MTERF1: variants seen among roughly 807,000 people sequenced by gnomAD.
The protein encoded by MTERF1 is transcription termination factor 1, mitochondrial.
MTERF1 carries 29 observed loss-of-function variants against 31.6 expected under a neutral mutation model. That is an observed-to-expected ratio of 0.92 (90% confidence interval 0.68 to 1.25). MTERF1 has a LOEUF of 1.25. Among genes scored for constraint, MTERF1 ranks in the 50% most tolerant of loss-of-function variants. The pLI is 0.00. For synonymous variants in MTERF1, 152 were observed against 164.1 expected, an observed-to-expected ratio of 0.93 and a Z score of 0.57; for missense variants, 500 against 469.1, an observed-to-expected ratio of 1.07 and a Z score of -0.61.
chr7:91,873,852 G>A lies in MTERF1; in HGVS notation c.942C>T (p.Val314=), dbSNP rs762359462. ...AGAAGATCACATCTGGATAGCTTAA[G>A]ACAAACTTCTGTACCTCTTCTTCAG... The part of the protein sequence containing the change: ...GCTEEEVQKF[V]LSYPDVIFLA... Residue 314 remains valine (V), a synonymous_variant, in exon 3 of 3, where the codon GTC becomes GTT. Coordinates refer to ENST00000351870, the MANE Select transcript of MTERF1 (RefSeq NM_006980.5). 1 of 1,614,010 alleles carries A rather than the reference G, an allele frequency of 6.2e-7. No homozygotes were observed. The highest frequency in any genetic ancestry group is 1.1e-5 in the South Asian group (1 of 91,068).
At position 91,871,387 on chromosome 7, in the gene MTERF1, G is replaced by A. The variant is rs192954643; in HGVS notation, c.*2207C>T. Reference sequence around the variant, plus strand: ...CCCACCTCCTTCAAGTCCCTTATGAGCTTGTTAGATTCCAAAACAATACCT... The same window carrying A: ...CCCACCTCCTTCAAGTCCCTTATGAACTTGTTAGATTCCAAAACAATACCT... On this transcript the variant is annotated 3_prime_UTR_variant, in exon 3 of 3. Coordinates refer to ENST00000351870, the MANE Select transcript of MTERF1 (RefSeq NM_006980.5). The A allele has an allele frequency of 6.6e-6, 1 of 152,122 alleles. No homozygotes were observed. Among genetic ancestry groups the A allele is most frequent in the South Asian group, 2.1e-4 (1 of 4,824 alleles). The allele number at this position is 152,122 out of a possible 1,614,324, so 9.4% of individuals were successfully genotyped here.
chr7:91,879,212 C>T (rs1455550429), intron 2 of MTERF1, among the ~76,000 whole-genome samples: 1 of 152,084 alleles, frequency 6.6e-6, no homozygotes, highest in East Asian at 1.9e-4. Flanking sequence ...TTTGCTATAA[C>T]AAAGAAGAAG....
At chr7:91,875,940 C>G (rs1473630429) in intron 2 of MTERF1, among the ~76,000 whole-genome samples, 1 of 152,186 alleles carries the variant, frequency 6.6e-6, no homozygotes, top group Non-Finnish European at 1.5e-5. Context: ...CATGGCCCGC[C>G]ACATGTGAAA....
rs1789280925 is a variant in MTERF1, at chr7:91,874,315, A to C, written c.479T>G (p.Leu160Trp). 6.2e-7 allele frequency: 1 copy of C among 1,614,166 alleles called. No individual in the cohort carries two copies. The stretch of plus-strand genomic sequence containing the variant: ...AAAAAAGGATTCAGGAGAACGTTCC[A>C]AAATATTTACAATTTCAAGGTCTGA... ...VTSDLEIVNI[L>W]ERSPESFFRS... The change falls in exon 3 of 3, where the codon TTG becomes TGG. Residue 160 changes from leucine (L) to tryptophan (W), a missense_variant. Leu to Trp is a moderately conservative substitution (Grantham distance 61). Coordinates refer to ENST00000351870, the MANE Select transcript of MTERF1 (RefSeq NM_006980.5).
Position 91,874,486 on chromosome 7 carries a change from T to C in MTERF1, c.308A>G (p.Asn103Ser), listed in dbSNP as rs1789289068. Residue 103 changes from asparagine to serine, a missense_variant, in exon 3 of 3, where the codon AAT (asparagine) becomes AGT (serine). By Grantham distance (46) the Asn-to-Ser change is conservative (BLOSUM62 1). Coordinates refer to ENST00000351870, the MANE Select transcript of MTERF1 (RefSeq NM_006980.5). Reference sequence around the variant, plus strand: ...AAGGAACATCTTCAGGTCCTGCTCATTGGTAATCATCCTATGAAAAACTCC... The same window carrying C: ...AAGGAACATCTTCAGGTCCTGCTCACTGGTAATCATCCTATGAAAAACTCC... ...QPGVFHRMIT[N>S]EQDLKMFLLS... The C allele has an allele frequency of 3.7e-6, 6 of 1,614,158 alleles. No homozygotes were observed. Among genetic ancestry groups the C allele is most frequent in the Middle Eastern group, 1.6e-4 (1 of 6,062 alleles).
intron 2 of MTERF1, among the ~76,000 whole-genome samples, chr7:91,879,046 G>A (rs892172798): frequency 6.6e-6 from 1 of 152,078 alleles, no homozygotes; most frequent in Non-Finnish European, 1.5e-5. Context: ...AGGTGGCTAA[G>A]GCACAATAAC....
chr7:91,878,272 TA>T (rs905891515), intron 2 of MTERF1, among the ~76,000 whole-genome samples: 15 of 152,348 alleles, frequency 9.8e-5, no homozygotes, highest in Non-Finnish European at 4.4e-5. Context: ...AAATGACATC[TA>T]AAAATGACAT....
In MTERF1 at chr7:91,880,074, G is replaced by A. The variant is rs1789465441; in HGVS notation, c.10C>T (p.Leu4Phe). 1 of 1,614,024 alleles carries A rather than the reference G, an allele frequency of 6.2e-7. No individual in the cohort carries two copies. The highest frequency in any genetic ancestry group is 1.1e-5 in the South Asian group (1 of 91,072). The change falls in exon 2 of 3, where the codon CTT becomes TTT. Residue 4 changes from leucine (L) to phenylalanine (F), a missense_variant. Leu to Phe is a conservative substitution (Grantham distance 22, BLOSUM62 0). Coordinates refer to ENST00000351870, the MANE Select transcript of MTERF1 (RefSeq NM_006980.5). MQS[L>F]SLGQTSISKG... ...TCTCACCTTGTTTGTCCTAAGGAAA[G>A]GCTCTGCATCCCTCCAGAAAGGCTG...
Position 91,873,726 on chromosome 7 carries a change from T to C in MTERF1, c.1068A>G (p.Ile356Met). ...IENPRVLDSS[I>M]STLKSRIKEL... Reference sequence around the variant, plus strand: ...CTTTGATTCGACTTTTTAAAGTACTTATGCTTGAATCCAGAACCCGAGGAT... The same window carrying C: ...CTTTGATTCGACTTTTTAAAGTACTCATGCTTGAATCCAGAACCCGAGGAT... The change falls in exon 3 of 3, where the codon ATA becomes ATG. Residue 356 changes from isoleucine (I) to methionine (M), a missense_variant. By Grantham distance (10) the Ile-to-Met change is conservative. Coordinates refer to ENST00000351870, the MANE Select transcript of MTERF1 (RefSeq NM_006980.5). The C allele has an allele frequency of 6.2e-7, 1 of 1,614,154 alleles. No homozygotes were observed. Among genetic ancestry groups the C allele is most frequent in the Non-Finnish European group, 8.5e-7 (1 of 1,180,010 alleles).
intron 2 of MTERF1, 41 bp from the exon 3 acceptor site, chr7:91,874,805 G>C (rs1789302894): frequency 1.4e-6 from 2 of 1,392,974 alleles, no homozygotes; most frequent in East Asian, 4.6e-5. Context: ...AAATGCATGT[G>C]TTAAACAACT....
rs1789484722 is a variant in MTERF1, at chr7:91,880,682, T to C, written c.-56A>G. On this transcript the variant is annotated 5_prime_UTR_variant, in exon 1 of 3. Coordinates refer to ENST00000351870, the MANE Select transcript of MTERF1 (RefSeq NM_006980.5). Reference sequence around the variant, plus strand: ...CCTGAACTGCACCCATCCACTGTAGTTCGCTTTTACTTCCGCCTCTGGGGT... The same window carrying C: ...CCTGAACTGCACCCATCCACTGTAGCTCGCTTTTACTTCCGCCTCTGGGGT... 6.6e-6 allele frequency: 1 copy of C among 152,352 alleles called. No homozygotes were observed. The highest frequency in any genetic ancestry group is 6.5e-5 in the Admixed American group (1 of 15,282). 9.4% of individuals were successfully genotyped at this position (152,352 alleles called of 1,614,324 possible). A position where few individuals can be genotyped will look rare whatever the true frequency, so the allele number is the denominator to read the frequency against.
intron 2 of MTERF1, among the ~76,000 whole-genome samples, chr7:91,876,498 A>G (rs1451226485): frequency 6.6e-6 from 1 of 152,226 alleles, no homozygotes; most frequent in Non-Finnish European, 1.5e-5. Context: ...TTTGGGCTAA[A>G]GATACTGCTT....
intron 2 of MTERF1, among the ~76,000 whole-genome samples, chr7:91,879,600 C>T (rs528947966): frequency 1.8e-4 from 27 of 152,084 alleles, no homozygotes; most frequent in Admixed American, 4.6e-4. Context: ...ATCTATTTTT[C>T]GGTTTCTAGT....
chr7:91,879,904 A>G, intron 2 of MTERF1, 151 bp downstream of exon 2: 1 of 798,566 alleles, frequency 1.3e-6, no homozygotes, highest in East Asian at 2.6e-5. Flanking sequence ...GGGTCTAAAA[A>G]AAGATTTACG....
At chr7:91,879,282 T>C (rs1344338274) in intron 2 of MTERF1, among the ~76,000 whole-genome samples, 2 of 152,142 alleles carry the variant, frequency 1.3e-5, no homozygotes, top group South Asian at 2.1e-4. Context: ...TGCAATATAC[T>C]ATAAAGGTGC....
intron 2 of MTERF1, chr7:91,876,884 T>C: frequency 1.0e-6 from 1 of 983,528 alleles, no homozygotes; most frequent in East Asian, 1.1e-4. Context: ...CTACCTTGCA[T>C]AGTTCAACAG....
chr7:91,880,105 C>CAGCT lies in MTERF1; in HGVS notation c.-26_-23dup. On this transcript the variant is annotated 5_prime_UTR_variant, in exon 2 of 3. Transcript: ENST00000351870. ...GCATCCCTCCAGAAAGGCTGGAGAACAGCTATCTCTGGAAATGACACACAC... is the reference window on the plus strand; with the variant it reads ...GCATCCCTCCAGAAAGGCTGGAGAACAGCTAGCTATCTCTGGAAATGACACACAC... 1 of 1,613,432 alleles carries CAGCT rather than the reference C, an allele frequency of 6.2e-7. No individual in the cohort carries two copies. Among genetic ancestry groups the CAGCT allele is most frequent in the Non-Finnish European group, 8.5e-7 (1 of 1,179,842 alleles).
In MTERF1 at chr7:91,874,379, G is replaced by T; in HGVS notation, c.415C>A (p.Leu139Ile). The T allele has an allele frequency of 1.9e-6, 3 of 1,614,162 alleles. No individual in the cohort carries two copies. The highest frequency in any genetic ancestry group is 2.5e-6 in the Non-Finnish European group (3 of 1,180,032). Residue 139 changes from leucine (L) to isoleucine (I), a missense_variant, in exon 3 of 3, where the codon CTT (leucine) becomes ATT (isoleucine). Transcript: ENST00000351870. ...CTCCACAGATCCCACCGTTTTGAAAGATTCTCGGGAGTACGTGTTATTGCT... is the reference window on the plus strand; with the variant it reads ...CTCCACAGATCCCACCGTTTTGAAATATTCTCGGGAGTACGTGTTATTGCT... ...PRAITRTPEN[L>I]SKRWDLWRKI...
chr7:91,875,831 C>T (rs1464681677), intron 2 of MTERF1, among the ~76,000 whole-genome samples: 5 of 152,198 alleles, frequency 3.3e-5, no homozygotes, highest in Non-Finnish European at 5.9e-5. Flanking sequence ...ATCACAATCT[C>T]CATCTCATTT....
Sources: gnomAD v4.1 joint callset for allele counts (sites outside exome capture counted in the v4.1 genomes callset) on GRCh38, gnomAD v4.1.1 for gene constraint, MANE v1.5 for transcripts, NCBI Gene and HGNC (gene_info 2026-07-23, HGNC 2026-07-21) for gene names.